Variants in CYRIB observed in about 807,000 individuals in gnomAD.
CYRIB encodes CYFIP-related Rac1 interactor B.
Under a neutral mutation model 44.2 loss-of-function variants are expected in CYRIB, and 8 were observed. That is an observed-to-expected ratio of 0.18 (90% CI 0.11 to 0.33). The LOEUF is 0.33. CYRIB is among the 10% of genes least tolerant of loss of function. The probability of loss-of-function intolerance (pLI) is 1.00; values close to 1 mark genes in which losing one functional copy is unlikely to be tolerated. For missense variants in CYRIB, 185 were observed against 382.8 expected (o/e 0.48, Z 4.31); for synonymous variants, 131 against 127.2 (o/e 1.03, Z -0.20).
intron 1 of CYRIB, among the ~76,000 whole-genome samples, chr8:129,928,338 A>C (rs1227070617): frequency 6.6e-6 from 1 of 151,886 alleles, no homozygotes; most frequent in Non-Finnish European, 1.5e-5. Flanking sequence ...AAAAAAAAAA[A>C]AACACCATTA....
At chr8:130,009,976 A>T (rs1162161879) in intron 1 of CYRIB, among the ~76,000 whole-genome samples, 2 of 152,238 alleles carry the variant, frequency 1.3e-5, no homozygotes, top group Admixed American at 1.3e-4. Flanking sequence ...AGACTCTATT[A>T]GGCAGATGAG....
chr8:129,987,567 TC>T (rs369754583), intron 1 of CYRIB, among the ~76,000 whole-genome samples: 5 of 62,662 alleles, frequency 8.0e-5, no homozygotes, highest in Non-Finnish European at 1.2e-4. Flanking sequence ...TTTTTTTTTT[TC>T]TTTTTTTTTT....
chr8:129,898,307 A>T (rs534565379), intron 2 of CYRIB, among the ~76,000 whole-genome samples: 26 of 152,282 alleles, frequency 1.7e-4, no homozygotes, highest in African/African-American at 5.8e-4. Flanking sequence ...ATTAAGAAAA[A>T]TTTCAAGTGT....
At chr8:129,955,006 C>T (rs1252488537) in intron 2 of CYRIB, among the ~76,000 whole-genome samples, 2 of 152,164 alleles carry the variant, frequency 1.3e-5, no homozygotes, top group Non-Finnish European at 2.9e-5. Flanking sequence ...GTAATCCCAG[C>T]ACTCTGAGAA....
chr8:129,994,415 G>T (rs1268858731), intron 1 of CYRIB, among the ~76,000 whole-genome samples: 1 of 152,214 alleles, frequency 6.6e-6, no homozygotes, highest in Non-Finnish European at 1.5e-5. Flanking sequence ...GATGTGTAAA[G>T]CAGCCCCGGG....
chr8:129,853,318 G>A (rs541084967), intron 7 of CYRIB, among the ~76,000 whole-genome samples: 59 of 152,272 alleles, frequency 3.9e-4, no homozygotes, highest in African/African-American at 1.2e-3. Flanking sequence ...AGTCTCACAC[G>A]AGGAACTGGT....
chr8:129,976,029 A>G (rs1379166000), intron 1 of CYRIB, among the ~76,000 whole-genome samples: 1 of 152,216 alleles, frequency 6.6e-6, no homozygotes, highest in East Asian at 1.9e-4. Context: ...AATTAAATAA[A>G]ATAGCAGATG....
chr8:129,847,725 T>C (rs1271296342), intron 10 of CYRIB, among the ~76,000 whole-genome samples: 1 of 152,180 alleles, frequency 6.6e-6, no homozygotes, highest in Non-Finnish European at 1.5e-5. Flanking sequence ...ATTAGCCTGG[T>C]TGTTATAAAA....
chr8:129,859,578 C>G (rs988503320), intron 5 of CYRIB, among the ~76,000 whole-genome samples: 3 of 152,186 alleles, frequency 2.0e-5, no homozygotes, highest in African/African-American at 7.2e-5. Flanking sequence ...TCTTCCCAGA[C>G]GCTGGTGTCA....
At chr8:129,898,751 C>T (rs2069666833) in intron 2 of CYRIB, among the ~76,000 whole-genome samples, 1 of 152,138 alleles carries the variant, frequency 6.6e-6, no homozygotes, top group South Asian at 2.1e-4. Flanking sequence ...TAATTTTCTA[C>T]ATTAATAAAT....
chr8:129,921,183 T>C (rs2083364169), intron 1 of CYRIB, among the ~76,000 whole-genome samples: 1 of 152,344 alleles, frequency 6.6e-6, no homozygotes, highest in South Asian at 2.1e-4. Context: ...TATGTAGCCA[T>C]CATTTGTCAC....
chr8:129,936,192 T>G (rs1345105301), intron 1 of CYRIB, among the ~76,000 whole-genome samples: 1 of 152,212 alleles, frequency 6.6e-6, no homozygotes, highest in Non-Finnish European at 1.5e-5. Context: ...AAATAGAATT[T>G]AAGTAAACGT....
At chr8:129,878,847 TAC>T (rs1421853438) in intron 3 of CYRIB, among the ~76,000 whole-genome samples, 1 of 152,024 alleles carries the variant, frequency 6.6e-6, no homozygotes, top group Non-Finnish European at 1.5e-5. Flanking sequence ...CTGAAATAAA[TAC>T]ATTCTATTTT....
At chr8:129,853,918 A>C (rs2044726738) in intron 7 of CYRIB, among the ~76,000 whole-genome samples, 1 of 152,094 alleles carries the variant, frequency 6.6e-6, no homozygotes, top group South Asian at 2.1e-4. Flanking sequence ...TCTCTCCAAG[A>C]CTCTTCCATT....
At chr8:129,845,044 C>T (rs543958033) in intron 11 of CYRIB, among the ~76,000 whole-genome samples, 23 of 152,230 alleles carry the variant, frequency 1.5e-4, no homozygotes, top group Admixed American at 1.3e-3. Context: ...CTCTTGCCTC[C>T]GTGGTGCTTT....
intron 1 of CYRIB, among the ~76,000 whole-genome samples, chr8:130,007,500 C>G (rs1474312208): frequency 6.6e-6 from 1 of 152,206 alleles, no homozygotes; most frequent in Non-Finnish European, 1.5e-5. Context: ...AAGTATATGA[C>G]ATGGCTGGGC....
intron 1 of CYRIB, among the ~76,000 whole-genome samples, chr8:129,932,909 ATG>A (rs1019388403): frequency 3.9e-5 from 6 of 152,176 alleles, no homozygotes; most frequent in Admixed American, 6.5e-5. Flanking sequence ...GGTGGAATTA[ATG>A]TTTAGAAACT....
intron 1 of CYRIB, among the ~76,000 whole-genome samples, chr8:129,976,337 AC>A (rs1171774763): frequency 6.6e-6 from 1 of 152,238 alleles, no homozygotes; most frequent in Non-Finnish European, 1.5e-5. Context: ...TATGCAATAA[AC>A]ATCTGCTATT....
intron 1 of CYRIB, among the ~76,000 whole-genome samples, chr8:129,919,270 A>G (rs1032547341): frequency 6.6e-6 from 1 of 152,222 alleles, no homozygotes; most frequent in Non-Finnish European, 1.5e-5. Flanking sequence ...GTGGTAACAT[A>G]TATTACCGCA....
Sources: gnomAD v4.1 joint callset for allele counts (sites outside exome capture counted in the v4.1 genomes callset) on GRCh38, gnomAD v4.1.1 for gene constraint, MANE v1.5 for transcripts, NCBI Gene and HGNC (gene_info 2026-07-23, HGNC 2026-07-21) for gene names.